The following XPO5 variants were observed in gnomAD, a reference collection of about 807,000 sequenced individuals.
XPO5 encodes the protein exportin-5.
Under a neutral mutation model 160.6 loss-of-function variants are expected in XPO5, and 46 were observed. The ratio of observed to expected loss-of-function variants is 0.29; its 90% CI spans 0.23 to 0.37. The LOEUF is 0.37. XPO5 is among the 10% of genes least tolerant of loss of function. The pLI is 1.00. For missense variants in XPO5, 1,090 were observed against 1,463.9 expected (o/e 0.74, Z 4.17); for synonymous variants, 537 against 519.3 (o/e 1.03, Z -0.46).
chr6:43,540,157 A>G (rs1794612397), intron 20 of XPO5, among the ~76,000 whole-genome samples: 1 of 152,166 alleles, frequency 6.6e-6, no homozygotes, highest in Non-Finnish European at 1.5e-5. Context: ...TGAGAGGCCA[A>G]GGAGGGGGGA....
In XPO5 at chr6:43,570,702, A is replaced by G; in HGVS notation, c.439-18T>C. ...TGTGTTTCCTACACCAATAGAAATA[A>G]GCTAGTTAAAAACTAAAATATCTTT... On this transcript the variant is annotated intron_variant, in intron 4 of 31. Transcript: ENST00000265351. The G allele has an allele frequency of 3.2e-6, 5 of 1,573,686 alleles. No individual in the cohort carries two copies. The highest frequency in any genetic ancestry group is 4.3e-6 in the Non-Finnish European group (5 of 1,163,134).
chr6:43,551,206 T>A, intron 15 of XPO5, 92 bp downstream of exon 15: 1 of 1,322,518 alleles, frequency 7.6e-7, no homozygotes, highest in South Asian at 1.8e-5. Flanking sequence ...GCCTGGGCAA[T>A]GTAGCAAGAT....
chr6:43,567,089 T>C, intron 7 of XPO5, 80 bp downstream of exon 7: 1 of 1,427,250 alleles, frequency 7.0e-7, no homozygotes, highest in Non-Finnish European at 9.3e-7. Context: ...TTAAATGACT[T>C]TCTGCCACAA....
Position 43,548,461 on chromosome 6 carries a change from C to G in XPO5, c.1861-1G>C. 1 of 1,532,360 alleles carries G rather than the reference C, an allele frequency of 6.5e-7. No homozygotes were observed. The highest frequency in any genetic ancestry group is 8.8e-7 in the Non-Finnish European group (1 of 1,131,438). The allele number at this position is 1,532,360 out of a possible 1,614,324, so 94.9% of individuals were successfully genotyped here. ...GGTTATAAAGCATGTCAAAATTGGG[C>G]TACAGATCAAAAAGAAAAAAAGCCA... is the stretch of plus-strand genomic sequence containing the variant. On this transcript the variant is annotated splice_acceptor_variant, in intron 17 of 31. Transcript: ENST00000265351. LOFTEE classifies it high-confidence loss of function.
At chr6:43,562,388 A>G in intron 8 of XPO5, 42 bp from the exon 9 acceptor site, 1 of 1,420,308 alleles carries the variant, frequency 7.0e-7, no homozygotes, top group Non-Finnish European at 9.8e-7. Flanking sequence ...AAAATTAAAA[A>G]GGCTGTAATA....
intron 1 of XPO5, 49 bp downstream of exon 1, chr6:43,575,711 G>T: frequency 6.5e-7 from 1 of 1,539,412 alleles, no homozygotes; most frequent in Non-Finnish European, 8.9e-7. Flanking sequence ...AGCTGCTGGG[G>T]CTGGGAGAGG....
In XPO5 at chr6:43,524,653, A is replaced by G; in HGVS notation, c.3313-18T>C. 1 of 1,611,448 alleles carries G rather than the reference A, an allele frequency of 6.2e-7. No homozygotes were observed. Among genetic ancestry groups the G allele is most frequent in the Non-Finnish European group, 8.5e-7 (1 of 1,178,260 alleles). On this transcript the variant is annotated intron_variant, in intron 30 of 31. Transcript: ENST00000265351. ...CTGGGGCGCTGATATCAGCAGGGAT[A>G]AACTTACTGGATGTAGGTTTGGATA...
chr6:43,559,877 G>A (rs1762316610), intron 11 of XPO5, among the ~76,000 whole-genome samples: 1 of 151,924 alleles, frequency 6.6e-6, no homozygotes. Context: ...GTGCAGTGCT[G>A]CGATCTCAGC....
At chr6:43,570,184 C>T (rs1158826297) in intron 5 of XPO5, among the ~76,000 whole-genome samples, 5 of 150,410 alleles carry the variant, frequency 3.3e-5, no homozygotes, top group East Asian at 3.9e-4. Flanking sequence ...TGGTGGCGGG[C>T]GCCTGTAGTC....
rs1762449600 is a variant in XPO5 at position 43,562,123 on chromosome 6, C to T, written c.1011+124G>A. ...TTTAATCTATAGAATCATGCAATAA[C>T]TTGTATGGCACTGCCCCATCAGGCT... On this transcript the variant is annotated intron_variant, in intron 9 of 31. Coordinates refer to ENST00000265351, the MANE Select transcript of XPO5 (RefSeq NM_020750.3). 4.7e-6 allele frequency: 3 copies of T among 634,340 alleles called. No homozygotes were observed. In the South Asian group the frequency reaches 6.4e-5, roughly 14 times the overall value. 39.3% of individuals were successfully genotyped at this position (634,340 alleles called of 1,614,324 possible). A position where few individuals can be genotyped will look rare whatever the true frequency, so the allele number is the denominator to read the frequency against.
intron 20 of XPO5, chr6:43,539,408 C>T (rs1429736591): frequency 6.4e-7 from 1 of 1,574,298 alleles, no homozygotes; most frequent in African/African-American, 1.3e-5. Flanking sequence ...GAGAGAGGCC[C>T]CCAGGAAAAA....
intron 20 of XPO5, chr6:43,539,182 G>C (rs567261511): frequency 8.9e-7 from 1 of 1,121,078 alleles, no homozygotes; most frequent in Non-Finnish European, 1.3e-6. Flanking sequence ...GGGGCTTGCC[G>C]ATCTTGTTCC....
chr6:43,539,501 C>T (rs561083870), intron 20 of XPO5: 688 of 1,567,832 alleles, frequency 4.4e-4, no homozygotes, highest in Non-Finnish European at 5.6e-4. Flanking sequence ...CTTGACCAAG[C>T]GGCCCAGCTT....
rs751362694 is a variant in XPO5 at position 43,522,663 on chromosome 6, C to T, written c.*1205G>A. 1.7e-5 allele frequency: 8 copies of T among 469,368 alleles called. No homozygotes were observed. In the East Asian group the frequency reaches 5.1e-4, roughly 30 times the overall value. The allele number at this position is 469,368 out of a possible 1,614,324, so 29.1% of individuals were successfully genotyped here. A position where few individuals can be genotyped will look rare whatever the true frequency, so the allele number is the denominator to read the frequency against. On this transcript the variant is annotated 3_prime_UTR_variant, in exon 32 of 32. Transcript: ENST00000265351. ...TCAATCTGACCCTGCCTGTGGCCCGCACCAGCTAAAAACTGTAGCTTCAGT... is the reference window on the plus strand; with the variant it reads ...TCAATCTGACCCTGCCTGTGGCCCGTACCAGCTAAAAACTGTAGCTTCAGT...
intron 20 of XPO5, among the ~76,000 whole-genome samples, chr6:43,537,328 G>C (rs1203114371): frequency 6.6e-6 from 1 of 152,016 alleles, no homozygotes; most frequent in South Asian, 2.1e-4. Context: ...ACATACCTGG[G>C]AGTCTTTTAA....
intron 4 of XPO5, 52 bp downstream of exon 4, chr6:43,570,805 G>A: frequency 6.4e-7 from 1 of 1,552,434 alleles, no homozygotes; most frequent in Non-Finnish European, 8.7e-7. Flanking sequence ...AACAAACCCT[G>A]AAGTTTGTTC....
rs1795356208 is a variant in XPO5 at position 43,553,518 on chromosome 6, C to T, written c.1442-15G>A. 6.5e-7 allele frequency: 1 copy of T among 1,542,098 alleles called. No individual in the cohort carries two copies. Among genetic ancestry groups the T allele is most frequent in the Non-Finnish European group, 8.7e-7 (1 of 1,145,772 alleles). On this transcript the variant is annotated splice_polypyrimidine_tract_variant and intron_variant, in intron 13 of 31. Transcript: ENST00000265351. ...TGCAGAACAAGCTTTAAAACACACA[C>T]ACACACATACACACACACACACACA...
At chr6:43,539,747 G>C (rs1794584916) in intron 20 of XPO5, 1 of 605,510 alleles carries the variant, frequency 1.7e-6, no homozygotes. Flanking sequence ...CTATTCTTGG[G>C]AATAGTTTGT....
chr6:43,535,460 G>C (rs538917271), intron 20 of XPO5, among the ~76,000 whole-genome samples: 1 of 152,016 alleles, frequency 6.6e-6, no homozygotes, highest in African/African-American at 2.4e-5. Flanking sequence ...TGTGGTGGTG[G>C]GTGCCGGGCA....
Sources: gnomAD v4.1 joint callset for allele counts (sites outside exome capture counted in the v4.1 genomes callset) on GRCh38, gnomAD v4.1.1 for gene constraint, MANE v1.5 for transcripts, NCBI Gene and HGNC (gene_info 2026-07-23, HGNC 2026-07-21) for gene names.